Variants in ACTR3 observed in about 807,000 individuals in gnomAD.
ACTR3 encodes actin related protein 3, also known as actin-related protein 3.
In ACTR3, 12 loss-of-function variants were observed where a neutral mutation model predicts 56.8. The ratio of observed to expected loss-of-function variants is 0.21; its 90% CI spans 0.14 to 0.34. The LOEUF (loss-of-function observed/expected upper bound fraction) is 0.34, where lower values mean the gene tolerates loss of function less well. ACTR3 is among the 10% of genes least tolerant of loss of function. ACTR3 has a pLI of 1.00. For missense variants in ACTR3, 282 were observed against 512.5 expected, an observed-to-expected ratio of 0.55 and a Z score of 4.34; for synonymous variants, 162 against 167.4, an observed-to-expected ratio of 0.97 and a Z score of 0.25.
At chr2:113,949,394 GAAAA>G (rs562713600) in intron 8 of ACTR3, among the ~76,000 whole-genome samples, 2 of 108,852 alleles carry the variant, frequency 1.8e-5, no homozygotes, top group East Asian at 2.5e-4. Flanking sequence ...AAAAAAAAAA[GAAAA>G]AAAAAAAGAA....
Position 113,958,290 on chromosome 2 carries a change from GTT to G in ACTR3, c.*836_*837del, listed in dbSNP as rs1212256233. On this transcript the variant is annotated 3_prime_UTR_variant, in exon 12 of 12. Transcript: ENST00000263238. ...TTCAGCCTCTTTAATCTCTTTATAA[GTT>G]AACTAATAAATCTATTTTCTTCAGA... 1 of 152,474 alleles carries G rather than the reference GTT, an allele frequency of 6.6e-6. No homozygotes were observed. Among genetic ancestry groups the G allele is most frequent in the Non-Finnish European group, 1.5e-5 (1 of 67,948 alleles). The allele number at this position is 152,474 out of a possible 1,614,324, so 9.4% of individuals were successfully genotyped here. A position where few individuals can be genotyped will look rare whatever the true frequency, so the allele number is the denominator to read the frequency against.
chr2:113,953,376 C>A (rs1680154032), intron 10 of ACTR3: 4 of 152,184 alleles, frequency 2.6e-5, no homozygotes, highest in Admixed American at 6.6e-5. Flanking sequence ...GGTTCAACAT[C>A]CTTAATCCAA....
chr2:113,931,520 A>T, intron 5 of ACTR3, 124 bp downstream of exon 5: 1 of 485,904 alleles, frequency 2.1e-6, no homozygotes, highest in Non-Finnish European at 3.6e-6. Flanking sequence ...AGCATGTTAT[A>T]CTTCTCTCCT....
At chr2:113,898,237 G>C (rs904199495) in intron 1 of ACTR3, among the ~76,000 whole-genome samples, 1 of 151,912 alleles carries the variant, frequency 6.6e-6, no homozygotes, top group Non-Finnish European at 1.5e-5. Context: ...TACAAATATA[G>C]CATTTAATGT....
chr2:113,930,857 T>A (rs1679708557), intron 4 of ACTR3, among the ~76,000 whole-genome samples: 1 of 152,238 alleles, frequency 6.6e-6, no homozygotes, highest in Non-Finnish European at 1.5e-5. Flanking sequence ...TTGTTTACTG[T>A]AATCCTATAT....
rs1680279151 is a variant in ACTR3, at chr2:113,959,230, T to C, written c.*1775T>C. The stretch of plus-strand genomic sequence containing the variant: ...CTTGTATTGTAATTTTCTGTGTAGG[T>C]AGAAATAAATGTAGCTTTCTTATTT... On this transcript the variant is annotated 3_prime_UTR_variant, in exon 12 of 12. Transcript: ENST00000263238. The C allele has an allele frequency of 6.6e-6, 1 of 152,078 alleles. No individual in the cohort carries two copies. Among genetic ancestry groups the C allele is most frequent in the Admixed American group, 6.6e-5 (1 of 15,258 alleles). The allele number at this position is 152,078 out of a possible 1,614,324, so 9.4% of individuals were successfully genotyped here.
chr2:113,919,894 G>A (rs886082209), intron 3 of ACTR3, among the ~76,000 whole-genome samples: 30 of 152,038 alleles, frequency 2.0e-4, no homozygotes, highest in Admixed American at 1.9e-3. Context: ...AACCACAGGC[G>A]TGTGCCACCA....
chr2:113,898,019 A>G (rs867755924), intron 1 of ACTR3, among the ~76,000 whole-genome samples: 1 of 152,120 alleles, frequency 6.6e-6, no homozygotes, highest in Non-Finnish European at 1.5e-5. Context: ...GAGAGGTTAC[A>G]ATGAGGAGGA....
chr2:113,936,302 C>CAAAAAAAAAA (rs61526382), intron 6 of ACTR3, among the ~76,000 whole-genome samples: 2 of 78,284 alleles, frequency 2.6e-5, no homozygotes, highest in African/African-American at 9.2e-5. Flanking sequence ...ACCCTGTCTC[C>CAAAAAAAAAA]AAAAAAAAAA....
intron 1 of ACTR3, among the ~76,000 whole-genome samples, chr2:113,900,591 G>T (rs1679082503): frequency 6.6e-6 from 1 of 152,186 alleles, no homozygotes; most frequent in Non-Finnish European, 1.5e-5. Context: ...CAAATACTTA[G>T]TGAGTTTTAT....
chr2:113,911,227 G>A (rs532548438), intron 1 of ACTR3, among the ~76,000 whole-genome samples: 1 of 152,176 alleles, frequency 6.6e-6, no homozygotes, highest in South Asian at 2.1e-4. Flanking sequence ...GGGCAGCTGG[G>A]AGAGGTCAGA....
At chr2:113,914,440 GTC>G (rs1320407297) in intron 2 of ACTR3, among the ~76,000 whole-genome samples, 2 of 151,916 alleles carry the variant, frequency 1.3e-5, no homozygotes, top group Non-Finnish European at 2.9e-5. Context: ...ATGAAACCCT[GTC>G]TCTACTAAAA....
intron 4 of ACTR3, among the ~76,000 whole-genome samples, chr2:113,928,148 C>T (rs1394844587): frequency 6.6e-6 from 1 of 152,126 alleles, no homozygotes; most frequent in East Asian, 1.9e-4. Context: ...CCTATCCTTT[C>T]CCACTCCTCG....
intron 3 of ACTR3, among the ~76,000 whole-genome samples, chr2:113,925,094 A>G (rs1353256881): frequency 6.6e-6 from 1 of 150,788 alleles, no homozygotes; most frequent in East Asian, 1.9e-4. Flanking sequence ...ATGGGGCTTC[A>G]CCATATTGGC....
chr2:113,921,963 G>A (rs1559471583), intron 3 of ACTR3, among the ~76,000 whole-genome samples: 1 of 152,202 alleles, frequency 6.6e-6, no homozygotes, highest in Non-Finnish European at 1.5e-5. Context: ...GAAAGAGACT[G>A]AGAATGCATG....
chr2:113,914,109 T>C (rs1255146705), intron 2 of ACTR3, among the ~76,000 whole-genome samples: 2 of 714 alleles, frequency 2.8e-3, no homozygotes, highest in Non-Finnish European at 0.05. Flanking sequence ...TTCATTGTTA[T>C]TCATTATGAA....
intron 1 of ACTR3, among the ~76,000 whole-genome samples, chr2:113,891,357 G>A (rs1421892301): frequency 1.3e-5 from 2 of 151,564 alleles, no homozygotes; most frequent in African/African-American, 4.9e-5. Context: ...TCGTAGATAT[G>A]TAGGGTAGTT....
chr2:113,921,763 T>C (rs1440804620), intron 3 of ACTR3, among the ~76,000 whole-genome samples: 2 of 152,140 alleles, frequency 1.3e-5, no homozygotes, highest in Admixed American at 1.3e-4. Context: ...TTGTGAGACG[T>C]CTGAGATTTT....
chr2:113,952,151 T>C, intron 10 of ACTR3: 1 of 234,964 alleles, frequency 4.3e-6, no homozygotes. Context: ...ATCAAATTAA[T>C]TATGGATCCA....
Sources: allele counts gnomAD v4.1 joint callset (sites outside exome capture counted in the v4.1 genomes callset), GRCh38; gene constraint gnomAD v4.1.1; transcripts MANE v1.5; gene names NCBI Gene and HGNC (gene_info 2026-07-23, HGNC 2026-07-21).